Variants in DLGAP2 observed in about 807,000 individuals in gnomAD.
The protein encoded by DLGAP2 is DLG associated protein 2.
Under a neutral mutation model 100.3 loss-of-function variants are expected in DLGAP2, and 26 were observed. The ratio of observed to expected loss-of-function variants is 0.26; its 90% confidence interval spans 0.19 to 0.36. DLGAP2 has a LOEUF of 0.36. Ranked by LOEUF, DLGAP2 falls within the 10% of genes least tolerant of loss-of-function variation. The probability of loss-of-function intolerance (pLI) is 1.00; values close to 1 mark genes in which losing one functional copy is unlikely to be tolerated. For missense variants in DLGAP2, 1,858 were observed against 1,453.2 expected, an observed-to-expected ratio of 1.28 and a Z score of -4.53; for synonymous variants, 886 against 630.1, an observed-to-expected ratio of 1.41 and a Z score of -6.08.
intron 3 of DLGAP2, among the ~76,000 whole-genome samples, chr8:1,447,220 C>G (rs1033597055): frequency 3.3e-5 from 5 of 152,134 alleles, no homozygotes; most frequent in Admixed American, 2.6e-4. Context: ...TATAATATTG[C>G]CTGTGGGTTT....
At chr8:1,125,016 C>G (rs886089476) in intron 2 of DLGAP2, among the ~76,000 whole-genome samples, 19 of 152,242 alleles carry the variant, frequency 1.2e-4, no homozygotes, top group African/African-American at 4.6e-4. Context: ...TCGTCTCTGA[C>G]TGTCCAGCAC....
At chr8:797,370 G>C (rs1387216616) in intron 1 of DLGAP2, among the ~76,000 whole-genome samples, 1 of 152,124 alleles carries the variant, frequency 6.6e-6, no homozygotes, top group Non-Finnish European at 1.5e-5. Context: ...ATTCATGTTG[G>C]TGCATGTATC....
At chr8:837,200 C>T (rs1160031105) in intron 1 of DLGAP2, among the ~76,000 whole-genome samples, 1 of 152,170 alleles carries the variant, frequency 6.6e-6, no homozygotes, top group Non-Finnish European at 1.5e-5. Flanking sequence ...CTCGGGATCT[C>T]GCGGGCCGTG....
chr8:986,367 C>T (rs373654223), intron 2 of DLGAP2, among the ~76,000 whole-genome samples: 5 of 152,088 alleles, frequency 3.3e-5, no homozygotes, highest in East Asian at 3.9e-4. Flanking sequence ...ATGTGCAGAA[C>T]GTGCAGGTTT....
At chr8:1,421,556 A>C (rs926550913) in intron 3 of DLGAP2, among the ~76,000 whole-genome samples, 3 of 152,226 alleles carry the variant, frequency 2.0e-5, no homozygotes, top group Admixed American at 1.3e-4. Flanking sequence ...TTATTTCATT[A>C]AAGTTATGAA....
At chr8:1,128,202 G>A (rs755918311) in intron 2 of DLGAP2, among the ~76,000 whole-genome samples, 5 of 151,370 alleles carry the variant, frequency 3.3e-5, no homozygotes, top group Non-Finnish European at 5.9e-5. Flanking sequence ...GTTGTGTTCG[G>A]TGAGGACCTG....
chr8:948,147 C>A (rs1799379505), intron 2 of DLGAP2, among the ~76,000 whole-genome samples: 1 of 152,258 alleles, frequency 6.6e-6, no homozygotes, highest in Admixed American at 6.5e-5. Context: ...GATCTGCTGC[C>A]CAGCTGTGGG....
At chr8:1,179,155 T>A (rs1157528357) in intron 2 of DLGAP2, among the ~76,000 whole-genome samples, 1 of 152,284 alleles carries the variant, frequency 6.6e-6, no homozygotes, top group Non-Finnish European at 1.5e-5. Context: ...GGACTTAATT[T>A]CTTTAATCCC....
At chr8:1,617,047 C>A (rs978593004) in intron 6 of DLGAP2, among the ~76,000 whole-genome samples, 1 of 152,204 alleles carries the variant, frequency 6.6e-6, no homozygotes, top group Non-Finnish European at 1.5e-5. Context: ...ATCCATGTTG[C>A]TGCAAAGGAC....
In DLGAP2 at chr8:1,173,986, C is replaced by T. The variant is rs1037377183; in HGVS notation, c.74-84865C>T. On this transcript the variant is annotated intron_variant, in intron 2 of 14. Coordinates refer to ENST00000637795, the MANE Select transcript of DLGAP2 (RefSeq NM_001346810.2). Reference sequence around the variant, plus strand: ...TCTTCTGTGTCGCTCACGCTGGGAGCTGTAGACTGGAGCTATTCCTATTTG... The same window carrying T: ...TCTTCTGTGTCGCTCACGCTGGGAGTTGTAGACTGGAGCTATTCCTATTTG... 4.6e-5 allele frequency among the ~76,000 whole-genome samples: 7 copies of T among 152,262 alleles called. No homozygotes were observed. The East Asian group carries it at 9.7e-4, about 21-fold the overall frequency.
Position 1,627,022 on chromosome 8 carries a change from G to T in DLGAP2, c.1590+135G>T, listed in dbSNP as rs865946682. ...CTTGGGCAAGGCTACACCAAAGGGG[G>T]TTCCCCTGGAATTAGCTCTGGCTGA... On this transcript the variant is annotated intron_variant, in intron 7 of 14. Transcript: ENST00000637795. The T allele has an allele frequency of 1.7e-4, 189 of 1,107,552 alleles. No homozygotes were observed. The Middle Eastern group carries it at 2.2e-3, about 13-fold the overall frequency. 68.6% of individuals were successfully genotyped at this position (1,107,552 alleles called of 1,614,324 possible).
chr8:1,205,832 A>C (rs939954889), intron 2 of DLGAP2, among the ~76,000 whole-genome samples: 1 of 152,146 alleles, frequency 6.6e-6, no homozygotes, highest in African/African-American at 2.4e-5. Flanking sequence ...GAATACATCA[A>C]ATCTGGAGTA....
At chr8:813,425 A>G (rs1796407788) in intron 1 of DLGAP2, among the ~76,000 whole-genome samples, 1 of 152,208 alleles carries the variant, frequency 6.6e-6, no homozygotes, top group South Asian at 2.1e-4. Flanking sequence ...GGTAGATTCT[A>G]TAATGTCATC....
At chr8:1,006,387 G>A (rs1034076695) in intron 2 of DLGAP2, among the ~76,000 whole-genome samples, 1 of 150,468 alleles carries the variant, frequency 6.6e-6, no homozygotes, top group Non-Finnish European at 1.5e-5. Flanking sequence ...TATCACGTCG[G>A]GGACACCATG....
chr8:1,123,067 A>G (rs1226256393), intron 2 of DLGAP2, among the ~76,000 whole-genome samples: 1 of 152,208 alleles, frequency 6.6e-6, no homozygotes, highest in Non-Finnish European at 1.5e-5. Context: ...ATTCAAATGT[A>G]TTTGAAAATA....
In DLGAP2 at chr8:1,632,900, C is replaced by G. The variant is rs1563269577; in HGVS notation, c.1664C>G (p.Ala555Gly). The change falls in exon 8 of 15, where the codon GCC (alanine) becomes GGC (glycine). Residue 555 changes from alanine (A) to glycine (G), a missense_variant. Physicochemically the swap from Ala to Gly is moderately conservative, Grantham distance 60 (BLOSUM62 0). Coordinates refer to ENST00000637795, the MANE Select transcript of DLGAP2 (RefSeq NM_001346810.2). ...ESVFSEVESQ[A>G]MDALDLPGCF... Reference sequence around the variant, plus strand: ...GTCTTCAGTGAAGTTGAATCTCAGGCCATGGATGCCCTCGACCTCCCGGGA... The same window carrying G: ...GTCTTCAGTGAAGTTGAATCTCAGGGCATGGATGCCCTCGACCTCCCGGGA... 6.2e-7 allele frequency: 1 copy of G among 1,613,944 alleles called. No individual in the cohort carries two copies.
intron 3 of DLGAP2, among the ~76,000 whole-genome samples, chr8:1,494,148 C>G (rs1462172355): frequency 6.6e-6 from 1 of 152,222 alleles, no homozygotes; most frequent in African/African-American, 2.4e-5. Flanking sequence ...ATGTCCTTCT[C>G]TTGGTGTTTA....
chr8:1,669,806 A>G (rs929338225), intron 10 of DLGAP2, 22 bp downstream of exon 10: 1 of 780,902 alleles, frequency 1.3e-6, no homozygotes, highest in Admixed American at 1.7e-5. Context: ...AATGTGCTCC[A>G]AAGCCGCGTC....
chr8:1,523,583 G>C (rs1800685759), intron 4 of DLGAP2, among the ~76,000 whole-genome samples: 1 of 152,250 alleles, frequency 6.6e-6, no homozygotes. Context: ...GTCCTGTTTG[G>C]AGGACAGCTG....
Sources: gnomAD v4.1 joint callset for allele counts (sites outside exome capture counted in the v4.1 genomes callset) on GRCh38, gnomAD v4.1.1 for gene constraint, MANE v1.5 for transcripts, NCBI Gene and HGNC (gene_info 2026-07-23, HGNC 2026-07-21) for gene names.